The following CUX1 variants were observed in gnomAD, a reference collection of about 807,000 sequenced individuals.
The protein encoded by CUX1 is protein CASP.
CUX1 carries 31 observed loss-of-function variants against 158.8 expected under a neutral mutation model. The ratio of observed to expected loss-of-function variants is 0.20; its 90% CI spans 0.15 to 0.26. The LOEUF is 0.26. Among genes scored for constraint, CUX1 ranks in the 10% least tolerant of loss-of-function variants. The probability of loss-of-function intolerance (pLI) is 1.00; values close to 1 mark genes in which losing one functional copy is unlikely to be tolerated. For missense variants in CUX1, 1,589 were observed against 2,014.6 expected (o/e 0.79, Z 4.04); for synonymous variants, 879 against 862.1 (o/e 1.02, Z -0.34).
intron 1 of CUX1, among the ~76,000 whole-genome samples, chr7:101,901,202 G>A (rs530817516): frequency 2.0e-5 from 3 of 152,192 alleles, no homozygotes; most frequent in South Asian, 2.1e-4. Flanking sequence ...TGGGTAGGGC[G>A]GGCCCAGCTC....
intron 5 of CUX1, among the ~76,000 whole-genome samples, chr7:102,103,437 CT>C (rs1829999179): frequency 1.4e-5 from 1 of 71,254 alleles, no homozygotes. Flanking sequence ...CTCTCTCTCA[CT>C]CACTCACTCA....
intron 9 of CUX1, among the ~76,000 whole-genome samples, chr7:102,161,676 TCTCAG>T (rs1233630935): frequency 6.6e-6 from 1 of 152,210 alleles, no homozygotes; most frequent in Non-Finnish European, 1.5e-5. Flanking sequence ...AATGGCACGA[TCTCAG>T]CTCACTGCAT....
At chr7:102,123,148 T>C (rs1277141646) in intron 8 of CUX1, among the ~76,000 whole-genome samples, 3 of 151,486 alleles carry the variant, frequency 2.0e-5, no homozygotes, top group African/African-American at 7.3e-5. Context: ...GGATAATTGC[T>C]TGAACTTAGG....
In CUX1 at chr7:102,234,246, T is replaced by A. The variant is rs782275445; in HGVS notation, c.3622+6T>A. 14 of 1,529,472 alleles carry A rather than the reference T, an allele frequency of 9.2e-6. No homozygotes were observed. Among genetic ancestry groups the A allele is most frequent in the Non-Finnish European group, 1.1e-5 (13 of 1,136,748 alleles). The allele number at this position is 1,529,472 out of a possible 1,614,324, so 94.7% of individuals were successfully genotyped here. On this transcript the variant is annotated splice_donor_region_variant and intron_variant, in intron 22 of 23. Coordinates refer to ENST00000292535, the MANE Select transcript of CUX1 (RefSeq NM_181552.4). ...GAAACGGATGGAGAAGAAAGGTAAG[T>A]CTCCCTGCCCCGCCCGGGCCGGCTG...
Position 102,252,048 on chromosome 7 carries a change from C to T in CUX1, c.*3006C>T. 9 of 985,414 alleles carry T rather than the reference C, an allele frequency of 9.1e-6. No individual in the cohort carries two copies. Among genetic ancestry groups the T allele is most frequent in the Non-Finnish European group, 9.6e-6 (8 of 829,928 alleles). The allele number at this position is 985,414 out of a possible 1,614,324, so 61.0% of individuals were successfully genotyped here. ...CATTCTGTCTTTTTTGCCAGACTTA[C>T]ATCTGGTGCCAGATACAATCAGTTG... On this transcript the variant is annotated 3_prime_UTR_variant, in exon 24 of 24. Coordinates refer to ENST00000292535, the MANE Select transcript of CUX1 (RefSeq NM_181552.4).
intron 2 of CUX1, among the ~76,000 whole-genome samples, chr7:102,022,325 A>G (rs1213150697): frequency 5.3e-5 from 8 of 152,270 alleles, no homozygotes; most frequent in South Asian, 2.1e-4. Context: ...TTTCGAGAAT[A>G]ATGGAAATAC....
intron 3 of CUX1, among the ~76,000 whole-genome samples, chr7:102,062,662 C>T (rs1213951409): frequency 6.6e-6 from 1 of 152,138 alleles, no homozygotes; most frequent in East Asian, 1.9e-4. Context: ...CACACCCACC[C>T]AGCCAATTTT....
intron 14 of CUX1, among the ~76,000 whole-genome samples, chr7:102,267,079 G>T (rs1554545232): frequency 6.6e-6 from 1 of 152,076 alleles, no homozygotes. Flanking sequence ...GAGCCGGCTG[G>T]GGGGGCTCAG....
chr7:101,897,977 G>C (rs890854152), intron 1 of CUX1, among the ~76,000 whole-genome samples: 2 of 152,250 alleles, frequency 1.3e-5, no homozygotes, highest in African/African-American at 4.8e-5. Context: ...CCCCCACCCA[G>C]CTTGCCTGCG....
At chr7:101,894,509 G>A (rs564034522) in intron 1 of CUX1, among the ~76,000 whole-genome samples, 26 of 152,152 alleles carry the variant, frequency 1.7e-4, no homozygotes, top group African/African-American at 6.3e-4. Flanking sequence ...ATGGGATTTC[G>A]CCGTGTTGGC....
intron 8 of CUX1, among the ~76,000 whole-genome samples, chr7:102,132,139 T>A (rs1833313791): frequency 7.3e-6 from 1 of 136,894 alleles, no homozygotes; most frequent in Non-Finnish European, 1.5e-5. Flanking sequence ...TGGAGATGGA[T>A]GGGCGGGTGG....
At chr7:101,850,037 C>T (rs2131257020) in intron 1 of CUX1, among the ~76,000 whole-genome samples, 1 of 150,764 alleles carries the variant, frequency 6.6e-6, no homozygotes, top group Admixed American at 6.7e-5. Flanking sequence ...TATTCTTCTG[C>T]CTCAGCATCC....
chr7:102,252,044 CTT>C lies in CUX1; in HGVS notation c.*3003_*3004del. ...TTCCCATTCTGTCTTTTTTGCCAGACTTACATCTGGTGCCAGATACAATCAGT... is the reference window on the plus strand; with the variant it reads ...TTCCCATTCTGTCTTTTTTGCCAGACACATCTGGTGCCAGATACAATCAGT... On this transcript the variant is annotated 3_prime_UTR_variant, in exon 24 of 24. Transcript: ENST00000292535. The C allele has an allele frequency of 1.0e-6, 1 of 985,342 alleles. No individual in the cohort carries two copies. The highest frequency in any genetic ancestry group is 1.2e-6 in the Non-Finnish European group (1 of 829,908). 61.0% of individuals were successfully genotyped at this position (985,342 alleles called of 1,614,324 possible). A position where few individuals can be genotyped will look rare whatever the true frequency, so the allele number is the denominator to read the frequency against.
At chr7:102,229,717 A>G (rs1168987452) in intron 21 of CUX1, among the ~76,000 whole-genome samples, 1 of 145,654 alleles carries the variant, frequency 6.9e-6, no homozygotes, top group Non-Finnish European at 1.5e-5. Flanking sequence ...TCCTGGGTTC[A>G]GGCGATTCTC....
intron 7 of CUX1, among the ~76,000 whole-genome samples, chr7:102,112,763 G>T (rs1189435265): frequency 6.6e-6 from 1 of 151,882 alleles, no homozygotes; most frequent in Non-Finnish European, 1.5e-5. Context: ...TAGAGATGAG[G>T]TTTCACCACA....
At position 102,201,460 on chromosome 7, in the gene CUX1, G is replaced by A. The variant is rs782075935; in HGVS notation, c.2163G>A (p.Gln721=). ...QQARREMEAQ[Q]AALDPALKQA... is the part of the protein sequence containing the mutation. ...CCCGCCGGGAGATGGAGGCCCAGCA[G>A]GCTGCCCTCGACCCTGCCTTAAAGC... The change falls in exon 18 of 24, where the codon CAG becomes CAA. Residue 721 remains glutamine (Q), a synonymous_variant. Coordinates refer to ENST00000292535, the MANE Select transcript of CUX1 (RefSeq NM_181552.4). This position sits in a 1 kb window ranked among gnomAD's most constrained non-coding sequence, Gnocchi z 5.0. The A allele has an allele frequency of 1.9e-6, 3 of 1,613,992 alleles. No homozygotes were observed. Among genetic ancestry groups the A allele is most frequent in the Non-Finnish European group, 2.5e-6 (3 of 1,180,034 alleles).
chr7:102,174,413 C>A (rs1792070878), intron 10 of CUX1, among the ~76,000 whole-genome samples: 1 of 152,170 alleles, frequency 6.6e-6, no homozygotes, highest in African/African-American at 2.4e-5. Flanking sequence ...GCCACCGCAC[C>A]CAGCCTCCCT....
intron 1 of CUX1, among the ~76,000 whole-genome samples, chr7:101,825,289 A>G (rs1324334709): frequency 1.3e-5 from 2 of 152,302 alleles, no homozygotes; most frequent in Non-Finnish European, 1.5e-5. Context: ...CAGCATAGAA[A>G]CATTCATTTA....
chr7:102,255,623 G>A lies in CUX1; in HGVS notation c.*6581G>A. ...AAATATGCTATATGCTATGTATCAAGCTTTCTGTAATCAGAAAGAAAAGGT... is the reference window on the plus strand; with the variant it reads ...AAATATGCTATATGCTATGTATCAAACTTTCTGTAATCAGAAAGAAAAGGT... On this transcript the variant is annotated 3_prime_UTR_variant, in exon 24 of 24. Coordinates refer to ENST00000292535, the MANE Select transcript of CUX1 (RefSeq NM_181552.4). 1.0e-6 allele frequency: 1 copy of A among 985,244 alleles called. No homozygotes were observed. Among genetic ancestry groups the A allele is most frequent in the South Asian group, 4.7e-5 (1 of 21,284 alleles). The allele number at this position is 985,244 out of a possible 1,614,324, so 61.0% of individuals were successfully genotyped here.
Sources: gnomAD v4.1 joint callset for allele counts (sites outside exome capture counted in the v4.1 genomes callset) on GRCh38, gnomAD v4.1.1 for gene constraint, Gnocchi (gnomAD v3.1) non-coding constraint, MANE v1.5 for transcripts, NCBI Gene and HGNC (gene_info 2026-07-23, HGNC 2026-07-21) for gene names.